The following KCNQ3 variants were observed in gnomAD, a reference collection of about 807,000 sequenced individuals.
The protein encoded by KCNQ3 is potassium voltage-gated channel subfamily KQT member 3.
Under a neutral mutation model 92.5 loss-of-function variants are expected in KCNQ3, and 30 were observed. That is an observed-to-expected ratio of 0.32 (90% CI 0.24 to 0.44). The LOEUF is 0.44. KCNQ3 is among the 20% of genes least tolerant of loss of function. The probability of loss-of-function intolerance (pLI) is 1.00; values close to 1 mark genes in which losing one functional copy is unlikely to be tolerated. For synonymous variants in KCNQ3, 450 were observed against 468.8 expected, an observed-to-expected ratio of 0.96 and a Z score of 0.52; for missense variants, 913 against 1,140.3, an observed-to-expected ratio of 0.80 and a Z score of 2.87.
chr8:132,202,851 C>A (rs181720359), intron 1 of KCNQ3, among the ~76,000 whole-genome samples: 10 of 152,342 alleles, frequency 6.6e-5, no homozygotes, highest in Admixed American at 6.5e-4. Context: ...TGCCCATTAC[C>A]TAGTTGCAAA....
At chr8:132,178,175 C>A (rs1039314275) in intron 4 of KCNQ3, among the ~76,000 whole-genome samples, 5 of 152,204 alleles carry the variant, frequency 3.3e-5, no homozygotes, top group Non-Finnish European at 7.3e-5. Flanking sequence ...AACTGTGAAT[C>A]AACTCAGCTC....
intron 1 of KCNQ3, among the ~76,000 whole-genome samples, chr8:132,304,585 AT>A (rs1353734006): frequency 6.6e-6 from 1 of 152,178 alleles, no homozygotes; most frequent in Non-Finnish European, 1.5e-5. Flanking sequence ...GTTAAGTAAA[AT>A]TTTAAGGTCC....
rs1414985560 is a variant in KCNQ3 at position 132,480,977 on chromosome 8, G to C, written c.-445C>G. The C allele has an allele frequency of 1.6e-4, 23 of 147,660 alleles. No individual in the cohort carries two copies. The Admixed American group carries it at 1.6e-3, about 10-fold the overall frequency. 9.1% of individuals were successfully genotyped at this position (147,660 alleles called of 1,614,324 possible). On this transcript the variant is annotated 5_prime_UTR_variant, in exon 1 of 15. Coordinates refer to ENST00000388996, the MANE Select transcript of KCNQ3 (RefSeq NM_004519.4). The stretch of plus-strand genomic sequence containing the variant: ...CCGCCCTCCCGCCCGCCAGCCACAC[G>C]CGCCGCCGCCGCCGCCTCCTCCCTC...
At chr8:132,179,294 G>A (rs897275172) in intron 4 of KCNQ3, among the ~76,000 whole-genome samples, 2 of 151,936 alleles carry the variant, frequency 1.3e-5, no homozygotes, top group African/African-American at 4.8e-5. Context: ...TGGGACTCTG[G>A]AAAAGGAATG....
chr8:132,148,576 A>T (rs952118912), intron 9 of KCNQ3, among the ~76,000 whole-genome samples: 10 of 152,262 alleles, frequency 6.6e-5, no homozygotes, highest in African/African-American at 2.4e-4. Flanking sequence ...CAGACAGCTG[A>T]TAAAACTTCA....
intron 1 of KCNQ3, among the ~76,000 whole-genome samples, chr8:132,219,938 A>T (rs948748621): frequency 6.6e-6 from 1 of 152,104 alleles, no homozygotes; most frequent in African/African-American, 2.4e-5. Flanking sequence ...GTCATACCTC[A>T]TTCCTGAGGT....
At chr8:132,229,954 G>T (rs1030388486) in intron 1 of KCNQ3, among the ~76,000 whole-genome samples, 4 of 152,170 alleles carry the variant, frequency 2.6e-5, no homozygotes, top group Non-Finnish European at 5.9e-5. Flanking sequence ...GCACACTTCT[G>T]GTGCAGAAGA....
intron 1 of KCNQ3, among the ~76,000 whole-genome samples, chr8:132,477,625 A>G (rs897360495): frequency 2.0e-5 from 3 of 152,204 alleles, no homozygotes; most frequent in African/African-American, 7.2e-5. Flanking sequence ...TTTCCTGTGT[A>G]GCTCCCAATT....
At chr8:132,335,462 T>A (rs1187815665) in intron 1 of KCNQ3, among the ~76,000 whole-genome samples, 1 of 152,292 alleles carries the variant, frequency 6.6e-6, no homozygotes, top group East Asian at 1.9e-4. Flanking sequence ...TTGTAATAAG[T>A]ATTCACTAGG....
intron 1 of KCNQ3, among the ~76,000 whole-genome samples, chr8:132,194,081 GT>G (rs1335561426): frequency 6.6e-6 from 1 of 152,194 alleles, no homozygotes; most frequent in Non-Finnish European, 1.5e-5. Context: ...CAGAGCATCT[GT>G]AGCCCTCAAA....
chr8:132,190,027 T>A (rs1165078838), intron 1 of KCNQ3, among the ~76,000 whole-genome samples: 1 of 151,850 alleles, frequency 6.6e-6, no homozygotes, highest in African/African-American at 2.4e-5. Flanking sequence ...CACAGCCTCA[T>A]AAGTGACTTT....
At chr8:132,266,386 TA>T in intron 1 of KCNQ3, among the ~76,000 whole-genome samples, 1 of 152,208 alleles carries the variant, frequency 6.6e-6, no homozygotes, top group East Asian at 1.9e-4. Context: ...TCTTTTCTAG[TA>T]ATATGTCACA....
At chr8:132,243,708 C>T (rs1052794548) in intron 1 of KCNQ3, among the ~76,000 whole-genome samples, 5 of 152,132 alleles carry the variant, frequency 3.3e-5, no homozygotes, top group African/African-American at 1.2e-4. Flanking sequence ...ATCTCCCCAA[C>T]CTCAATTTTG....
chr8:132,154,193 G>GTTTTTTGTTTTTTTTTTTTTTT (rs1825726713), intron 9 of KCNQ3, among the ~76,000 whole-genome samples: 1 of 27,456 alleles, frequency 3.6e-5, no homozygotes, highest in African/African-American at 1.5e-4. Context: ...AAGGGTAAAA[G>GTTTTTTGTTTTTTTTTTTTTTT]TTTTTTTTTT....
At position 132,129,130 on chromosome 8, in the gene KCNQ3, G is replaced by T. The variant is rs1824764810; in HGVS notation, c.*132C>A. The T allele has an allele frequency of 9.3e-7, 1 of 1,079,708 alleles. No homozygotes were observed. The highest frequency in any genetic ancestry group is 1.4e-6 in the Non-Finnish European group (1 of 738,712). The allele number at this position is 1,079,708 out of a possible 1,614,324, so 66.9% of individuals were successfully genotyped here. A position where few individuals can be genotyped will look rare whatever the true frequency, so the allele number is the denominator to read the frequency against. ...GAGGCTGTGGGAAGCCCCTGCCTGG[G>T]TGGGGCCACCACGCACACGCATGCA... On this transcript the variant is annotated 3_prime_UTR_variant, in exon 15 of 15. Coordinates refer to ENST00000388996, the MANE Select transcript of KCNQ3 (RefSeq NM_004519.4). The surrounding 1 kb of genome is among the most constrained non-coding windows in gnomAD (Gnocchi z 5.9).
intron 1 of KCNQ3, among the ~76,000 whole-genome samples, chr8:132,357,465 T>C (rs1819048544): frequency 1.3e-5 from 2 of 152,176 alleles, no homozygotes; most frequent in African/African-American, 4.8e-5. Flanking sequence ...CCTCAGACAA[T>C]GATTGTGCTG....
intron 1 of KCNQ3, among the ~76,000 whole-genome samples, chr8:132,327,971 T>C (rs938561428): frequency 3.3e-5 from 5 of 151,928 alleles, no homozygotes; most frequent in Non-Finnish European, 5.9e-5. Context: ...GGGGCCTTAA[T>C]CTCCAGACTC....
In KCNQ3 at chr8:132,289,944, A is replaced by T. The variant is rs182743297; in HGVS notation, c.387-103763T>A. Among the ~76,000 whole-genome samples the T allele has an allele frequency of 5.9e-5, 9 of 152,300 alleles. No individual in the cohort carries two copies. In the East Asian group the frequency reaches 9.6e-4, roughly 16 times the overall value. On this transcript the variant is annotated intron_variant, in intron 1 of 14. Transcript: ENST00000388996. ...AAATAGAGCTAAGTCCCAGTGACAC[A>T]ATTCTACTTGCTGTCTCTTTTGTAG...
intron 1 of KCNQ3, among the ~76,000 whole-genome samples, chr8:132,215,260 T>C (rs1439802537): frequency 6.6e-6 from 1 of 152,228 alleles, no homozygotes. Flanking sequence ...TCTCATACAA[T>C]GTTTACATGG....
Sources: gnomAD v4.1 joint callset for allele counts (sites outside exome capture counted in the v4.1 genomes callset) on GRCh38, gnomAD v4.1.1 for gene constraint, Gnocchi (gnomAD v3.1) non-coding constraint, MANE v1.5 for transcripts, NCBI Gene and HGNC (gene_info 2026-07-23, HGNC 2026-07-21) for gene names.